The following SPG7 variants were observed in gnomAD, a reference collection of about 807,000 sequenced individuals.
The protein encoded by SPG7 is mitochondrial inner membrane m-AAA protease component paraplegin.
SPG7 carries 103 observed loss-of-function variants against 81.9 expected under a neutral mutation model. The ratio of observed to expected loss-of-function variants is 1.26; its 90% CI spans 1.07 to 1.48. SPG7 has a LOEUF of 1.48. Ranked by LOEUF, SPG7 falls within the 40% of genes most tolerant of loss-of-function variation. SPG7 has a pLI of 0.00. For missense variants in SPG7, 1,241 were observed against 1,087.3 expected (o/e 1.14, Z -1.99); for synonymous variants, 534 against 444.2 (o/e 1.20, Z -2.54).
intron 3 of SPG7, among the ~76,000 whole-genome samples, chr16:89,513,517 A>C (rs2058049965): frequency 6.8e-6 from 1 of 147,246 alleles, no homozygotes. Flanking sequence ...ACTCCATCTC[A>C]AAAAAAAAAA....
chr16:89,514,821 G>A (rs1412500599), intron 3 of SPG7, among the ~76,000 whole-genome samples: 2 of 151,918 alleles, frequency 1.3e-5, no homozygotes, highest in African/African-American at 4.8e-5. Flanking sequence ...GTAGAGATGA[G>A]GTTTTGTCTT....
Position 89,536,511 on chromosome 16 carries a change from G to A in SPG7, c.1324+3875G>A, listed in dbSNP as rs1432337841. ...TCAGGTGAGGCAGGTGAGGTGAGGC[G>A]GGTGAGGTCAGGTGAGGCGGGTGAG... On this transcript the variant is annotated intron_variant, in intron 9 of 16. Transcript: ENST00000645818. Among the ~76,000 whole-genome samples the A allele has an allele frequency of 2.0e-4, 10 of 49,324 alleles. 2 individuals carry two copies. The highest frequency in any genetic ancestry group is 5.0e-4 in the African/African-American group (8 of 16,046). 32.4% of individuals were successfully genotyped at this position (49,324 alleles called of 152,430 possible).
intron 9 of SPG7, chr16:89,537,854 T>C: frequency 1.2e-6 from 1 of 847,176 alleles, no homozygotes; most frequent in Non-Finnish European, 1.4e-6. Flanking sequence ...TTGTCCTTAA[T>C]GTGGCAGTAA....
rs1567918813 is a variant in SPG7 at position 89,536,487 on chromosome 16, CAGGT to C, written c.1324+3852_1324+3855del. ...GTGAGGCGGGTGAGGCGGGTGAGGTCAGGTGAGGCAGGTGAGGTGAGGCGGGTGA... is the reference window on the plus strand; with the variant it reads ...GTGAGGCGGGTGAGGCGGGTGAGGTCGAGGCAGGTGAGGTGAGGCGGGTGA... On this transcript the variant is annotated intron_variant, in intron 9 of 16. Coordinates refer to ENST00000645818, the MANE Select transcript of SPG7 (RefSeq NM_003119.4). Among the ~76,000 whole-genome samples the C allele has an allele frequency of 7.0e-3, 301 of 43,132 alleles. 37 individuals carry two copies. Among genetic ancestry groups the C allele is most frequent in the African/African-American group, 0.019 (273 of 14,084 alleles). 28.3% of individuals were successfully genotyped at this position (43,132 alleles called of 152,430 possible).
At position 89,557,466 on chromosome 16, in the gene SPG7, C is replaced by T. The variant is rs1212492909; in HGVS notation, c.*373C>T. 1 of 301,376 alleles carries T rather than the reference C, an allele frequency of 3.3e-6. No individual in the cohort carries two copies. Among genetic ancestry groups the T allele is most frequent in the Admixed American group, 4.8e-5 (1 of 20,908 alleles). 18.7% of individuals were successfully genotyped at this position (301,376 alleles called of 1,614,324 possible). On this transcript the variant is annotated 3_prime_UTR_variant, in exon 17 of 17. Coordinates refer to ENST00000645818, the MANE Select transcript of SPG7 (RefSeq NM_003119.4). ...CCTGTTCATGCCGACGCTTGCACGA[C>T]CGCCCCAGTTCCTGTGGCTCCCTCG...
intron 3 of SPG7, among the ~76,000 whole-genome samples, chr16:89,516,072 C>G (rs1040957392): frequency 4.6e-5 from 7 of 151,878 alleles, no homozygotes; most frequent in African/African-American, 1.5e-4. Flanking sequence ...ACTGGAACCT[C>G]TGCCTCCTGG....
In SPG7 at chr16:89,532,533, C is replaced by G. The variant is rs766681780; in HGVS notation, c.1221C>G (p.Ile407Met). 6 of 1,613,766 alleles carry G rather than the reference C, an allele frequency of 3.7e-6. No homozygotes were observed. Among genetic ancestry groups the G allele is most frequent in the South Asian group, 1.1e-5 (1 of 91,082 alleles). The change falls in exon 9 of 17, where the codon ATC (isoleucine) becomes ATG (methionine). Residue 407 changes from isoleucine (I) to methionine (M), a missense_variant. By Grantham distance (10) the Ile-to-Met change is conservative. Transcript: ENST00000645818. Reference protein sequence around the residue: ...ARARAPCIVYIDEIDAVGKKR... With the variant: ...ARARAPCIVYMDEIDAVGKKR... ...CCCGGGCCCCCTGCATCGTCTACAT[C>G]GATGAGATCGACGCGGTGGGCAAGA...
rs1257398871 is a variant in SPG7, at chr16:89,529,679, T to G, written c.861+100T>G. 3.4e-6 allele frequency: 3 copies of G among 892,126 alleles called. No individual in the cohort carries two copies. The African/African-American group carries it at 5.0e-5, about 15-fold the overall frequency. 55.3% of individuals were successfully genotyped at this position (892,126 alleles called of 1,614,324 possible). ...CGATGAATACACAGGGAAAACCTGT[T>G]GCAGAGAGTAGCCTGAAGCCACAAT... On this transcript the variant is annotated intron_variant, in intron 6 of 16. Transcript: ENST00000645818.
intron 11 of SPG7, 155 bp from the exon 12 acceptor site, chr16:89,547,848 G>C (rs2058583531): frequency 1.4e-6 from 1 of 693,150 alleles, no homozygotes; most frequent in Non-Finnish European, 2.6e-6. Context: ...CCTGACCTCA[G>C]GTGATCTGCC....
chr16:89,536,750 T>G (rs2058429961), intron 9 of SPG7: 2 of 1,613,450 alleles, frequency 1.2e-6, no homozygotes, highest in Non-Finnish European at 1.7e-6. Context: ...GTCTGCGGCC[T>G]TCTTCTCCAA....
intron 2 of SPG7, among the ~76,000 whole-genome samples, chr16:89,510,813 T>TA (rs2058010868): frequency 6.6e-6 from 1 of 152,170 alleles, no homozygotes. Context: ...TACAGGCGTG[T>TA]ACCGTCACAC....
At chr16:89,548,411 A>G (rs1274158430) in intron 12 of SPG7, 3 of 381,568 alleles carry the variant, frequency 7.9e-6, no homozygotes, top group Non-Finnish European at 1.5e-5. Context: ...AATAAAAACT[A>G]AAAATGTCTT....
At chr16:89,539,673 C>T (rs956280378) in intron 9 of SPG7, 1 of 152,084 alleles carries the variant, frequency 6.6e-6, no homozygotes, top group African/African-American at 2.4e-5. Context: ...CTCAAGCCGT[C>T]CTCCCGTCTC....
intron 10 of SPG7, 86 bp from the exon 11 acceptor site, chr16:89,546,570 GAC>G (rs746119893): frequency 1.1e-6 from 1 of 921,998 alleles, no homozygotes; most frequent in Non-Finnish European, 1.8e-6. Flanking sequence ...GCTACTTGGG[GAC>G]CCCCCCCCCC....
In SPG7 at chr16:89,536,496, CA is replaced by C. The variant is rs1567918837; in HGVS notation, c.1324+3861del. ...GTGAGGCGGGTGAGGTCAGGTGAGG[CA>C]GGTGAGGTGAGGCGGGTGAGGTCAG... is the stretch of plus-strand genomic sequence containing the variant. On this transcript the variant is annotated intron_variant, in intron 9 of 16. Transcript: ENST00000645818. Among the ~76,000 whole-genome samples, 662 of 43,486 alleles carry C rather than the reference CA, an allele frequency of 0.015. 39 individuals are homozygous for C. Among genetic ancestry groups the C allele is most frequent in the African/African-American group, 0.046 (620 of 13,412 alleles). 28.5% of individuals were successfully genotyped at this position (43,486 alleles called of 152,430 possible). A position where few individuals can be genotyped will look rare whatever the true frequency, so the allele number is the denominator to read the frequency against.
intron 3 of SPG7, chr16:89,521,142 T>C (rs1398705315): frequency 6.6e-6 from 1 of 152,262 alleles, no homozygotes; most frequent in Admixed American, 6.5e-5. Context: ...GGTGCTCTGT[T>C]GGCCTCCTTC....
intron 15 of SPG7, 116 bp downstream of exon 15, chr16:89,554,076 C>T (rs914205324): frequency 5.4e-6 from 6 of 1,104,440 alleles, no homozygotes; most frequent in African/African-American, 3.1e-5. Context: ...GCAGGCCCCA[C>T]CTGGGTTTCT....
chr16:89,527,646 C>T lies in SPG7; in HGVS notation c.758+1178C>T, dbSNP rs779203261. On this transcript the variant is annotated intron_variant, in intron 5 of 16. Transcript: ENST00000645818. ...TTTCAGTGTTGAGAGGGAAACAGAC[C>T]AGGTGGGAGCTGTCAGCACGTATGG... Among the ~76,000 whole-genome samples the T allele has an allele frequency of 2.6e-5, 4 of 152,092 alleles. No homozygotes were observed. The South Asian group carries it at 8.3e-4, about 31-fold the overall frequency.
chr16:89,532,585 T>C lies in SPG7; in HGVS notation c.1273T>C (p.Ser425Pro), dbSNP rs2058360138. ...KKRSTTMSGF[S>P]NTEEEQTLNQ... ...GCGCTCCACCACCATGTCCGGCTTCTCCAACACGGAGGAGGAGCAGACGCT... is the reference window on the plus strand; with the variant it reads ...GCGCTCCACCACCATGTCCGGCTTCCCCAACACGGAGGAGGAGCAGACGCT... Residue 425 changes from serine to proline, a missense_variant, in exon 9 of 17, where the codon TCC (serine) becomes CCC (proline). Transcript: ENST00000645818. 3.1e-6 allele frequency: 5 copies of C among 1,613,710 alleles called. No individual in the cohort carries two copies. Among genetic ancestry groups the C allele is most frequent in the Non-Finnish European group, 4.2e-6 (5 of 1,180,030 alleles).
Sources: gnomAD v4.1 joint callset for allele counts (sites outside exome capture counted in the v4.1 genomes callset) on GRCh38, gnomAD v4.1.1 for gene constraint, MANE v1.5 for transcripts, NCBI Gene and HGNC (gene_info 2026-07-23, HGNC 2026-07-21) for gene names.